The following LRRC20 variants were observed in gnomAD, a reference collection of about 807,000 sequenced individuals.
The protein encoded by LRRC20 is leucine-rich repeat-containing protein 20.
LRRC20 carries 11 observed loss-of-function variants against 14.4 expected under a neutral mutation model. The ratio of observed to expected loss-of-function variants is 0.77; its 90% CI spans 0.48 to 1.27. The LOEUF is 1.27. LRRC20 is among the 50% of genes most tolerant of loss of function. LRRC20 has a pLI of 0.00. For missense variants in LRRC20, 219 were observed against 251.2 expected (o/e 0.87, Z 0.87); for synonymous variants, 121 against 107.3 (o/e 1.13, Z -0.79).
intron 2 of LRRC20, among the ~76,000 whole-genome samples, chr10:70,345,747 A>G (rs894416801): frequency 6.6e-6 from 1 of 152,258 alleles, no homozygotes; most frequent in Non-Finnish European, 1.5e-5. Flanking sequence ...AAATAATAGA[A>G]TCATTAAAAA....
intron 2 of LRRC20, among the ~76,000 whole-genome samples, chr10:70,368,874 C>A (rs1192895683): frequency 6.6e-6 from 1 of 152,190 alleles, no homozygotes; most frequent in Non-Finnish European, 1.5e-5. Context: ...CTGCCCGCCT[C>A]AGCGTCCCAA....
chr10:70,380,225 T>C (rs774377903), intron 1 of LRRC20, among the ~76,000 whole-genome samples: 17 of 152,166 alleles, frequency 1.1e-4, no homozygotes, highest in Non-Finnish European at 1.5e-5. Context: ...ATGTAAAGTC[T>C]AGGTGTCAGG....
intron 2 of LRRC20, among the ~76,000 whole-genome samples, chr10:70,354,758 CTA>C (rs1182341575): frequency 2.6e-5 from 4 of 152,182 alleles, no homozygotes; most frequent in African/African-American, 9.7e-5. Context: ...TCTGAGCAGA[CTA>C]TTTCAGGACA....
At chr10:70,359,346 C>T (rs1413347702) in intron 2 of LRRC20, among the ~76,000 whole-genome samples, 1 of 152,154 alleles carries the variant, frequency 6.6e-6, no homozygotes, top group Non-Finnish European at 1.5e-5. Flanking sequence ...CATTTTAGCC[C>T]AGGAGTTCAA....
Position 70,321,422 on chromosome 10 carries a change from G to A in LRRC20, c.400+2441C>T, listed in dbSNP as rs548322230. Reference sequence around the variant, plus strand: ...ACCTGGCTCTCCTGCTGGTTTGGGAGTTGAGAAGCCACTCAAGTAACTCGG... The same window carrying A: ...ACCTGGCTCTCCTGCTGGTTTGGGAATTGAGAAGCCACTCAAGTAACTCGG... On this transcript the variant is annotated intron_variant, in intron 4 of 4. Coordinates refer to ENST00000446961, the MANE Select transcript of LRRC20 (RefSeq NM_001278212.2). Among the ~76,000 whole-genome samples, 8 of 152,330 alleles carry A rather than the reference G, an allele frequency of 5.3e-5. No homozygotes were observed. The East Asian group carries it at 1.5e-3, about 29-fold the overall frequency.
At position 70,300,230 on chromosome 10, in the gene LRRC20, C is replaced by T; in HGVS notation, c.*1124G>A. The T allele has an allele frequency of 2.4e-6, 1 of 412,118 alleles. No homozygotes were observed. The highest frequency in any genetic ancestry group is 3.3e-6 in the Non-Finnish European group (1 of 305,814). 25.5% of individuals were successfully genotyped at this position (412,118 alleles called of 1,614,324 possible). ...CACAGGCGTTCTCGGGAAGCAAGAGCCCCAGGCCCTCTCCTGGTAGGGGAC... is the reference window on the plus strand; with the variant it reads ...CACAGGCGTTCTCGGGAAGCAAGAGTCCCAGGCCCTCTCCTGGTAGGGGAC... On this transcript the variant is annotated 3_prime_UTR_variant, in exon 5 of 5. Transcript: ENST00000446961.
At chr10:70,372,154 C>G (rs1030768184) in intron 2 of LRRC20, among the ~76,000 whole-genome samples, 1 of 152,216 alleles carries the variant, frequency 6.6e-6, no homozygotes, top group Non-Finnish European at 1.5e-5. Context: ...TGAGCTACCC[C>G]TGAACTCTCA....
At chr10:70,365,666 A>T (rs75061555) in intron 2 of LRRC20, among the ~76,000 whole-genome samples, 1 of 152,086 alleles carries the variant, frequency 6.6e-6, no homozygotes, top group African/African-American at 2.4e-5. Flanking sequence ...ACAGCACTGC[A>T]CTCCAGCCTG....
Position 70,309,894 on chromosome 10 carries a change from C to T in LRRC20, c.401-8386G>A, listed in dbSNP as rs1352189231. On this transcript the variant is annotated intron_variant, in intron 4 of 4. Transcript: ENST00000446961. The stretch of plus-strand genomic sequence containing the variant: ...AGCCCAGCCCCGGAACACATCCCCA[C>T]GACTCCAGGCCTAGTGGGAGCGGCA... Among the ~76,000 whole-genome samples, 3 of 152,266 alleles carry T rather than the reference C, an allele frequency of 2.0e-5. No homozygotes were observed. In the South Asian group the frequency reaches 6.2e-4, roughly 31 times the overall value.
At chr10:70,359,001 T>C (rs2137092724) in intron 2 of LRRC20, among the ~76,000 whole-genome samples, 1 of 152,272 alleles carries the variant, frequency 6.6e-6, no homozygotes, top group Non-Finnish European at 1.5e-5. Flanking sequence ...TTTTAGGGAA[T>C]GAAGAAAAGA....
In LRRC20 at chr10:70,382,581, C is replaced by G. The variant is rs1406661017; in HGVS notation, c.-96G>C. Reference sequence around the variant, plus strand: ...ATGCCTCCTAGCGCCCTGCGCAGCGCAGTCACGCTCCCTCCGCCGCCGGCG... The same window carrying G: ...ATGCCTCCTAGCGCCCTGCGCAGCGGAGTCACGCTCCCTCCGCCGCCGGCG... On this transcript the variant is annotated 5_prime_UTR_variant, in exon 1 of 5. Transcript: ENST00000446961. The G allele has an allele frequency of 6.6e-6, 1 of 151,746 alleles. No individual in the cohort carries two copies. Among genetic ancestry groups the G allele is most frequent in the Non-Finnish European group, 1.5e-5 (1 of 67,842 alleles). The allele number at this position is 151,746 out of a possible 1,614,324, so 9.4% of individuals were successfully genotyped here. A position where few individuals can be genotyped will look rare whatever the true frequency, so the allele number is the denominator to read the frequency against.
intron 2 of LRRC20, among the ~76,000 whole-genome samples, chr10:70,371,180 A>G (rs1046366447): frequency 6.6e-6 from 1 of 151,878 alleles, no homozygotes; most frequent in Non-Finnish European, 1.5e-5. Context: ...TTTCTCGCCC[A>G]GGCTGGAGTG....
chr10:70,371,124 G>A (rs1159110527), intron 2 of LRRC20, among the ~76,000 whole-genome samples: 1 of 151,870 alleles, frequency 6.6e-6, no homozygotes, highest in East Asian at 1.9e-4. Context: ...TATTGGATCT[G>A]AAGAGAAACT....
At position 70,314,618 on chromosome 10, in the gene LRRC20, G is replaced by A. The variant is rs148775818; in HGVS notation, c.400+9245C>T. Among the ~76,000 whole-genome samples the A allele has an allele frequency of 2.1e-3, 320 of 152,134 alleles. 1 individual carries two copies. Among genetic ancestry groups the A allele is most frequent in the African/African-American group, 7.4e-3 (306 of 41,508 alleles). ...GACTCTGATTTAATTGGCATAGGGT[G>A]TGGTCAGGACATGGAGTTTTAAAAG... is the stretch of plus-strand genomic sequence containing the variant. On this transcript the variant is annotated intron_variant, in intron 4 of 4. Coordinates refer to ENST00000446961, the MANE Select transcript of LRRC20 (RefSeq NM_001278212.2).
At chr10:70,316,608 C>T (rs71480649) in intron 4 of LRRC20, among the ~76,000 whole-genome samples, 4,122 of 152,372 alleles carry the variant, frequency 0.027, 82 homozygotes, top group Middle Eastern at 0.048. Flanking sequence ...TGGCTTGCTA[C>T]TTCCCTGCAG....
At chr10:70,340,176 C>T (rs1842863168) in intron 3 of LRRC20, among the ~76,000 whole-genome samples, 2 of 151,640 alleles carry the variant, frequency 1.3e-5, no homozygotes, top group Admixed American at 1.3e-4. Context: ...CACTCCTGAA[C>T]TGAGAGAGCA....
chr10:70,358,929 C>A (rs887092968), intron 2 of LRRC20, among the ~76,000 whole-genome samples: 1 of 152,170 alleles, frequency 6.6e-6, no homozygotes, highest in Admixed American at 6.5e-5. Context: ...ATAGTTACAC[C>A]CCTCACCATC....
At chr10:70,372,657 T>G (rs1454656809) in intron 2 of LRRC20, among the ~76,000 whole-genome samples, 1 of 152,128 alleles carries the variant, frequency 6.6e-6, no homozygotes, top group Middle Eastern at 3.4e-3. Flanking sequence ...TTAGCCAGGA[T>G]GGTTTCGATC....
intron 2 of LRRC20, among the ~76,000 whole-genome samples, chr10:70,366,180 T>C (rs1309892733): frequency 1.3e-5 from 2 of 152,018 alleles, no homozygotes; most frequent in African/African-American, 4.8e-5. Flanking sequence ...CCCAGCACTT[T>C]GGGAGGCTGA....
Sources: allele counts gnomAD v4.1 joint callset (sites outside exome capture counted in the v4.1 genomes callset), GRCh38; gene constraint gnomAD v4.1.1; transcripts MANE v1.5; gene names NCBI Gene and HGNC (gene_info 2026-07-23, HGNC 2026-07-21).